The following OPCML variants were observed in gnomAD, a reference collection of about 807,000 sequenced individuals.
OPCML encodes the protein opioid-binding protein/cell adhesion molecule.
OPCML carries 13 observed loss-of-function variants against 37.8 expected under a neutral mutation model. The ratio of observed to expected loss-of-function variants is 0.34; its 90% CI spans 0.22 to 0.55. The LOEUF (loss-of-function observed/expected upper bound fraction) is 0.55, where lower values mean the gene tolerates loss of function less well. OPCML is among the 20% of genes least tolerant of loss of function. The probability of loss-of-function intolerance (pLI) is 0.91; values close to 1 mark genes in which losing one functional copy is unlikely to be tolerated. For synonymous variants in OPCML, 176 were observed against 168.8 expected (o/e 1.04, Z -0.33); for missense variants, 341 against 435.6 (o/e 0.78, Z 1.93).
At chr11:133,102,566 G>T (rs1407269511) in intron 1 of OPCML, among the ~76,000 whole-genome samples, 1 of 152,076 alleles carries the variant, frequency 6.6e-6, no homozygotes, top group African/African-American at 2.4e-5. Flanking sequence ...AGCTAACATG[G>T]TGAAACCCTT....
intron 3 of OPCML, among the ~76,000 whole-genome samples, chr11:132,613,875 G>T (rs144459586): frequency 1.3e-5 from 2 of 152,098 alleles, no homozygotes; most frequent in East Asian, 3.9e-4. Flanking sequence ...CAAAAGAGTC[G>T]TCTTTTGAAA....
chr11:133,475,991 G>C (rs1253790290), intron 1 of OPCML, among the ~76,000 whole-genome samples: 2 of 152,174 alleles, frequency 1.3e-5, no homozygotes, highest in African/African-American at 4.8e-5. Context: ...CCCTGGGAGT[G>C]CAAAGAGGAT....
rs1048204832 is a variant in OPCML at position 133,003,603 on chromosome 11, G to T, written c.62-60593C>A. ...TCCAGGAATTAGAAGTTGGATATTG[G>T]CTGGAGAGTACTTTTCAGATGACCA... On this transcript the variant is annotated intron_variant, in intron 1 of 7. Transcript: ENST00000524381. 1.7e-5 allele frequency: 16 copies of T among 964,130 alleles called. No individual in the cohort carries two copies. In the African/African-American group the frequency reaches 2.3e-4, roughly 14 times the overall value. 59.7% of individuals were successfully genotyped at this position (964,130 alleles called of 1,614,324 possible).
intron 2 of OPCML, among the ~76,000 whole-genome samples, chr11:132,706,888 C>A (rs908369344): frequency 2.6e-5 from 4 of 152,188 alleles, no homozygotes; most frequent in Non-Finnish European, 4.4e-5. Context: ...TTTATTCCTT[C>A]TTTGTTCTTC....
intron 3 of OPCML, among the ~76,000 whole-genome samples, chr11:132,656,709 C>T (rs77315748): frequency 2.6e-5 from 4 of 152,132 alleles, no homozygotes; most frequent in East Asian, 1.9e-4. Flanking sequence ...TGGCATTATT[C>T]GTCTTTTATC....
rs144694536 is a variant in OPCML at position 133,037,058 on chromosome 11, G to C, written c.62-94048C>G. Among the ~76,000 whole-genome samples the C allele has an allele frequency of 7.8e-4, 118 of 152,242 alleles. 2 individuals carry two copies. In the East Asian group the frequency reaches 0.022, roughly 28 times the overall value. On this transcript the variant is annotated intron_variant, in intron 1 of 7. Transcript: ENST00000524381. ...AGGGCTCTGCCTGACCACACTGTAT[G>C]GTCCCAATCGAAAACATACAAACCA...
intron 1 of OPCML, among the ~76,000 whole-genome samples, chr11:133,275,856 T>A (rs1169546701): frequency 2.6e-5 from 4 of 152,186 alleles, no homozygotes; most frequent in African/African-American, 9.7e-5. Flanking sequence ...CAAACCTGTG[T>A]CATTACACCA....
intron 1 of OPCML, chr11:133,419,413 T>C: frequency 1.2e-6 from 1 of 806,928 alleles, no homozygotes; most frequent in Non-Finnish European, 1.5e-6. Flanking sequence ...AGAAATTATA[T>C]GAGCCAATTA....
intron 1 of OPCML, among the ~76,000 whole-genome samples, chr11:133,085,657 A>G (rs945103207): frequency 4.6e-5 from 7 of 152,222 alleles, no homozygotes; most frequent in Non-Finnish European, 8.8e-5. Context: ...AAGGAGTGCT[A>G]TGTAACAGAA....
intron 1 of OPCML, among the ~76,000 whole-genome samples, chr11:133,118,573 C>T (rs1949372308): frequency 6.6e-6 from 1 of 152,046 alleles, no homozygotes; most frequent in Non-Finnish European, 1.5e-5. Context: ...GGTGAAGAGT[C>T]CTCCTAGAGG....
intron 2 of OPCML, among the ~76,000 whole-genome samples, chr11:132,856,851 G>T (rs1272996040): frequency 3.9e-5 from 6 of 152,144 alleles, no homozygotes; most frequent in Non-Finnish European, 5.9e-5. Context: ...CAAGTCAAAG[G>T]CCGCACAGCA....
intron 1 of OPCML, among the ~76,000 whole-genome samples, chr11:133,454,749 G>T (rs1946643099): frequency 6.6e-6 from 1 of 152,132 alleles, no homozygotes; most frequent in African/African-American, 2.4e-5. Context: ...CGATGTCTTT[G>T]GAGGACTTTA....
intron 2 of OPCML, among the ~76,000 whole-genome samples, chr11:132,932,314 G>C (rs1945232704): frequency 6.6e-6 from 1 of 152,066 alleles, no homozygotes; most frequent in Non-Finnish European, 1.5e-5. Context: ...TACATTCTAC[G>C]TATTTTTACC....
intron 4 of OPCML, among the ~76,000 whole-genome samples, chr11:132,507,661 C>T (rs564674676): frequency 7.1e-4 from 107 of 151,240 alleles, no homozygotes; most frequent in African/African-American, 2.4e-3. Flanking sequence ...ACTATAGAGA[C>T]AATTTTTCTC....
At chr11:133,185,959 A>T (rs1592084070) in intron 1 of OPCML, among the ~76,000 whole-genome samples, 3 of 152,374 alleles carry the variant, frequency 2.0e-5, no homozygotes, top group Admixed American at 2.0e-4. Flanking sequence ...CCAAGTAGTC[A>T]CTGTACTTAT....
chr11:133,042,949 G>A (rs11223337), intron 1 of OPCML, among the ~76,000 whole-genome samples: 22,515 of 151,878 alleles, frequency 0.15, 2,034 homozygotes, highest in African/African-American at 0.23. Flanking sequence ...CAGAGAAAAG[G>A]GTCTCTCACG....
At chr11:132,779,389 C>T (rs1946919576) in intron 2 of OPCML, among the ~76,000 whole-genome samples, 1 of 152,096 alleles carries the variant, frequency 6.6e-6, no homozygotes, top group African/African-American at 2.4e-5. Flanking sequence ...TTCCCTTACT[C>T]TTTATCTTAA....
intron 4 of OPCML, among the ~76,000 whole-genome samples, chr11:132,445,129 C>T (rs1592185048): frequency 6.6e-6 from 1 of 152,160 alleles, no homozygotes; most frequent in East Asian, 1.9e-4. Context: ...TGGCTGCCTT[C>T]CCTGAGGCTG....
intron 1 of OPCML, among the ~76,000 whole-genome samples, chr11:133,021,193 C>T (rs1947443693): frequency 6.6e-6 from 1 of 152,162 alleles, no homozygotes; most frequent in Admixed American, 6.5e-5. Context: ...AGGATACATA[C>T]AGGTAAGAGA....
Sources: allele counts gnomAD v4.1 joint callset (sites outside exome capture counted in the v4.1 genomes callset), GRCh38; gene constraint gnomAD v4.1.1; transcripts MANE v1.5; gene names NCBI Gene and HGNC (gene_info 2026-07-23, HGNC 2026-07-21).